Variants in ROBO1 observed in about 807,000 individuals in gnomAD.
The protein encoded by ROBO1 is roundabout guidance receptor 1.
ROBO1 carries 149 observed loss-of-function variants against 195.9 expected under a neutral mutation model. The observed-to-expected ratio is 0.76, with a 90% confidence interval of 0.67 to 0.87. The LOEUF (loss-of-function observed/expected upper bound fraction) is 0.87. Ranked by LOEUF, ROBO1 falls within the 40% of genes least tolerant of loss-of-function variation. The pLI is 0.00. For synonymous variants in ROBO1, 816 were observed against 733.2 expected (o/e 1.11, Z -1.82); for missense variants, 1,933 against 2,068.3 (o/e 0.93, Z 1.27).
chr3:79,178,484 C>G (rs924429696), intron 2 of ROBO1, among the ~76,000 whole-genome samples: 1 of 152,136 alleles, frequency 6.6e-6, no homozygotes, highest in Non-Finnish European at 1.5e-5. Context: ...AAAACACACA[C>G]TGGTGAAAGA....
At chr3:79,723,336 G>A (rs1576284145) in intron 1 of ROBO1, among the ~76,000 whole-genome samples, 3 of 151,968 alleles carry the variant, frequency 2.0e-5, no homozygotes, top group East Asian at 3.9e-4. Context: ...AATATATGAT[G>A]GTTTTGAAAT....
At chr3:79,492,254 G>A (rs1179586233) in intron 2 of ROBO1, among the ~76,000 whole-genome samples, 1 of 151,794 alleles carries the variant, frequency 6.6e-6, no homozygotes, top group African/African-American at 2.4e-5. Context: ...GTGAAACCCC[G>A]TCTCTACTAA....
intron 2 of ROBO1, among the ~76,000 whole-genome samples, chr3:79,526,817 G>A (rs901524601): frequency 1.3e-5 from 2 of 152,054 alleles, no homozygotes; most frequent in African/African-American, 4.8e-5. Context: ...GATTCTAAGA[G>A]ACAAATAAAT....
intron 4 of ROBO1, among the ~76,000 whole-genome samples, chr3:78,795,425 A>T: frequency 6.6e-6 from 1 of 152,192 alleles, no homozygotes; most frequent in East Asian, 1.9e-4. Context: ...TTAAAACTTC[A>T]TACCCTTAAG....
intron 8 of ROBO1, among the ~76,000 whole-genome samples, chr3:78,702,191 A>G (rs186025656): frequency 2.8e-4 from 43 of 152,282 alleles, no homozygotes; most frequent in Non-Finnish European, 8.8e-5. Flanking sequence ...ACGATTCGCC[A>G]GTCTAAAAAC....
intron 5 of ROBO1, among the ~76,000 whole-genome samples, chr3:78,744,068 A>G (rs1462852497): frequency 6.6e-6 from 1 of 152,184 alleles, no homozygotes; most frequent in African/African-American, 2.4e-5. Flanking sequence ...TGGATATCCA[A>G]TAAGCATTTC....
At chr3:79,747,916 T>C (rs1425378852) in intron 1 of ROBO1, among the ~76,000 whole-genome samples, 1 of 152,158 alleles carries the variant, frequency 6.6e-6, no homozygotes, top group East Asian at 1.9e-4. Context: ...TAATTTGAAA[T>C]TGTTGGTATG....
chr3:79,364,532 T>G (rs1046689126), intron 2 of ROBO1, among the ~76,000 whole-genome samples: 14 of 152,130 alleles, frequency 9.2e-5, no homozygotes, highest in South Asian at 6.2e-4. Flanking sequence ...AATTTCAACT[T>G]CTTTTGCTTA....
chr3:79,447,109 G>A (rs1358598927), intron 2 of ROBO1, among the ~76,000 whole-genome samples: 2 of 152,062 alleles, frequency 1.3e-5, no homozygotes, highest in Non-Finnish European at 2.9e-5. Context: ...GATTACAGGC[G>A]TGAGCCACCA....
intron 1 of ROBO1, among the ~76,000 whole-genome samples, chr3:79,721,783 A>G (rs745537719): frequency 5.9e-5 from 9 of 152,214 alleles, no homozygotes; most frequent in African/African-American, 9.6e-5. Flanking sequence ...GAGGAAGACT[A>G]ACATGATGAA....
intron 2 of ROBO1, among the ~76,000 whole-genome samples, chr3:79,472,462 A>G (rs1440682244): frequency 1.3e-5 from 2 of 152,104 alleles, no homozygotes; most frequent in Admixed American, 6.6e-5. Context: ...CTATTTTACC[A>G]TACTAGGATA....
At chr3:78,813,242 G>GCACA (rs10526078) in intron 4 of ROBO1, among the ~76,000 whole-genome samples, 3 of 150,510 alleles carry the variant, frequency 2.0e-5, no homozygotes, top group African/African-American at 4.9e-5. Context: ...AGTTTTACAT[G>GCACA]CACACACACA....
chr3:78,776,251 T>C (rs886159882), intron 4 of ROBO1, among the ~76,000 whole-genome samples: 3 of 151,952 alleles, frequency 2.0e-5, no homozygotes, highest in Non-Finnish European at 2.9e-5. Context: ...TATTTATTTA[T>C]TTATTTATTT....
At chr3:79,443,237 C>T (rs1206709020) in intron 2 of ROBO1, among the ~76,000 whole-genome samples, 1 of 152,122 alleles carries the variant, frequency 6.6e-6, no homozygotes, top group Non-Finnish European at 1.5e-5. Context: ...AAAATGAAAG[C>T]AACCAAGGGA....
chr3:79,013,123 ACCAGCCCATACTCAAC>A (rs1272099831), intron 3 of ROBO1, among the ~76,000 whole-genome samples: 3 of 152,010 alleles, frequency 2.0e-5, no homozygotes, highest in African/African-American at 4.8e-5. Context: ...CTAAATGATC[ACCAGCCCATACTCAAC>A]CCAGAGCCTA....
At chr3:79,240,836 T>C (rs1462953982) in intron 2 of ROBO1, among the ~76,000 whole-genome samples, 2 of 151,870 alleles carry the variant, frequency 1.3e-5, no homozygotes, top group Non-Finnish European at 2.9e-5. Flanking sequence ...AGAGATGGGA[T>C]TTTCTCATGT....
chr3:78,688,612 C>G, intron 9 of ROBO1, 36 bp downstream of exon 9: 1 of 1,530,420 alleles, frequency 6.5e-7, no homozygotes, highest in South Asian at 1.3e-5. Context: ...ACCATCTTTG[C>G]TGATTTAAAA....
intron 2 of ROBO1, among the ~76,000 whole-genome samples, chr3:79,460,138 G>C (rs916595937): frequency 1.3e-5 from 2 of 151,944 alleles, no homozygotes; most frequent in African/African-American, 4.8e-5. Context: ...TATTACTCTG[G>C]CCAATTATCT....
chr3:79,232,461 A>T (rs2082337485), intron 2 of ROBO1, among the ~76,000 whole-genome samples: 1 of 151,576 alleles, frequency 6.6e-6, no homozygotes, highest in Non-Finnish European at 1.5e-5. Context: ...TTAAGAGAAA[A>T]AAAAAACAAA....
Sources: allele counts gnomAD v4.1 joint callset (sites outside exome capture counted in the v4.1 genomes callset), GRCh38; gene constraint gnomAD v4.1.1; transcripts MANE v1.5; gene names NCBI Gene and HGNC (gene_info 2026-07-23, HGNC 2026-07-21).